The following LUZP2 variants were observed in gnomAD, a reference collection of about 807,000 sequenced individuals.
The protein encoded by LUZP2 is leucine zipper protein 2.
A neutral mutation model predicts 51.6 loss-of-function variants in LUZP2; 52 were observed. The ratio of observed to expected loss-of-function variants is 1.01; its 90% CI spans 0.81 to 1.27. LUZP2 has a LOEUF of 1.27. Among genes scored for constraint, LUZP2 ranks in the 50% most tolerant of loss-of-function variants. The pLI, the probability that LUZP2 is intolerant of heterozygous loss-of-function variation, is 0.00. For missense variants in LUZP2, 436 were observed against 395.4 expected, an observed-to-expected ratio of 1.10 and a Z score of -0.87; for synonymous variants, 154 against 137.3, an observed-to-expected ratio of 1.12 and a Z score of -0.85.
Position 24,996,887 on chromosome 11 carries a change from C to A in LUZP2, c.765+13594C>A, listed in dbSNP as rs147316884. Among the ~76,000 whole-genome samples the A allele has an allele frequency of 6.8e-3, 1,026 of 151,448 alleles. 32 individuals carry two copies. The East Asian group carries it at 0.098, about 15-fold the overall frequency. ...TGCGGTGTTTGGTTTTTTGTTCTTG[C>A]GATAGTTTACTGAGAATGATGATTT... On this transcript the variant is annotated intron_variant, in intron 9 of 11. Coordinates refer to ENST00000336930, the MANE Select transcript of LUZP2 (RefSeq NM_001009909.4).
In LUZP2 at chr11:24,802,871, T is replaced by G. The variant is rs1481932299; in HGVS notation, c.396+39563T>G. 2.0e-5 allele frequency among the ~76,000 whole-genome samples: 3 copies of G among 152,092 alleles called. No individual in the cohort carries two copies. The East Asian group carries it at 5.8e-4, about 29-fold the overall frequency. ...CCTTCATTAATGGGATTAATTATCT[T>G]ATATAAAAGGTTGAAGAGAGCATCC... On this transcript the variant is annotated intron_variant, in intron 5 of 11. Transcript: ENST00000336930.
At chr11:25,060,832 T>G (rs2134038981) in intron 10 of LUZP2, among the ~76,000 whole-genome samples, 1 of 152,306 alleles carries the variant, frequency 6.6e-6, no homozygotes, top group Non-Finnish European at 1.5e-5. Flanking sequence ...CTCTTCTTGT[T>G]TCTTCCTCTT....
At chr11:24,736,280 TTTA>T (rs1035057425) in intron 3 of LUZP2, among the ~76,000 whole-genome samples, 140 of 152,118 alleles carry the variant, frequency 9.2e-4, no homozygotes, top group African/African-American at 3.2e-3. Flanking sequence ...TAAAACATAC[TTTA>T]TTATTTAATT....
At chr11:25,065,846 G>T (rs1858983256) in intron 10 of LUZP2, among the ~76,000 whole-genome samples, 1 of 151,968 alleles carries the variant, frequency 6.6e-6, no homozygotes, top group South Asian at 2.1e-4. Flanking sequence ...TTATTTTCAT[G>T]CTCACTCATA....
intron 1 of LUZP2, among the ~76,000 whole-genome samples, chr11:24,677,966 G>A (rs1448042495): frequency 6.6e-6 from 1 of 151,620 alleles, no homozygotes; most frequent in East Asian, 2.0e-4. Context: ...GAACCTGGGA[G>A]GTGGAGCTTG....
At chr11:24,522,486 A>T (rs1850672820) in intron 1 of LUZP2, among the ~76,000 whole-genome samples, 1 of 152,138 alleles carries the variant, frequency 6.6e-6, no homozygotes, top group Admixed American at 6.6e-5. Flanking sequence ...GAACCAATAG[A>T]GGCTTCTCAG....
intron 1 of LUZP2, among the ~76,000 whole-genome samples, chr11:24,535,871 T>A (rs1011058585): frequency 6.6e-6 from 1 of 151,778 alleles, no homozygotes; most frequent in Non-Finnish European, 1.5e-5. Context: ...ATCAGAGGAA[T>A]CACTGTCTAT....
intron 5 of LUZP2, among the ~76,000 whole-genome samples, chr11:24,881,619 C>A (rs775659931): frequency 3.9e-5 from 6 of 151,956 alleles, no homozygotes; most frequent in Non-Finnish European, 8.8e-5. Flanking sequence ...GCTGGGAACA[C>A]AATGTTAGGA....
intron 10 of LUZP2, among the ~76,000 whole-genome samples, chr11:25,054,489 T>C (rs1858617714): frequency 6.6e-6 from 1 of 152,182 alleles, no homozygotes; most frequent in Non-Finnish European, 1.5e-5. Context: ...ATTTTTTGTG[T>C]GTGTCTGTGG....
At chr11:24,838,181 C>T (rs1378116811) in intron 5 of LUZP2, among the ~76,000 whole-genome samples, 2 of 151,536 alleles carry the variant, frequency 1.3e-5, no homozygotes, top group East Asian at 1.9e-4. Flanking sequence ...CTGATAGCCA[C>T]AAGTCAAGGA....
At chr11:24,767,552 T>C (rs1860238271) in intron 5 of LUZP2, among the ~76,000 whole-genome samples, 1 of 152,242 alleles carries the variant, frequency 6.6e-6, no homozygotes, top group South Asian at 2.1e-4. Flanking sequence ...TTGTTTCTTC[T>C]GTGTGTTTAA....
chr11:24,559,158 A>C (rs1298975907), intron 1 of LUZP2, among the ~76,000 whole-genome samples: 2 of 152,154 alleles, frequency 1.3e-5, no homozygotes, highest in African/African-American at 2.4e-5. Context: ...ACAACACTTT[A>C]ATCAGAATTT....
intron 1 of LUZP2, among the ~76,000 whole-genome samples, chr11:24,645,865 A>T (rs1055127490): frequency 1.2e-4 from 18 of 149,060 alleles, no homozygotes; most frequent in Non-Finnish European, 2.5e-4. Context: ...GTGTGTGTGT[A>T]TCCTTAAAAT....
intron 1 of LUZP2, among the ~76,000 whole-genome samples, chr11:24,570,845 G>C (rs1553742): frequency 0.42 from 63,116 of 151,502 alleles, 13,612 homozygotes; most frequent in African/African-American, 0.51. Context: ...TGCTTTTAAA[G>C]TTTTCTTTTC....
intron 5 of LUZP2, among the ~76,000 whole-genome samples, chr11:24,828,397 A>G (rs1453291324): frequency 6.6e-6 from 1 of 152,166 alleles, no homozygotes; most frequent in Non-Finnish European, 1.5e-5. Context: ...AAAATTCACT[A>G]TGTTTACTAC....
intron 1 of LUZP2, among the ~76,000 whole-genome samples, chr11:24,610,946 T>G (rs2133886743): frequency 6.6e-6 from 1 of 152,326 alleles, no homozygotes; most frequent in African/African-American, 2.4e-5. Context: ...CTTTTAATGA[T>G]ATTTTAGGGA....
intron 1 of LUZP2, among the ~76,000 whole-genome samples, chr11:24,573,785 A>C (rs182198920): frequency 1.3e-5 from 2 of 152,048 alleles, no homozygotes; most frequent in Admixed American, 1.3e-4. Flanking sequence ...GAAACTTTAA[A>C]AAGCACACAG....
In LUZP2 at chr11:24,956,817, G is replaced by A. The variant is rs1212010912; in HGVS notation, c.523-19774G>A. ...TAATGGGAAAATTACCAGAAGAGTT[G>A]ATGATCAGCTATTTCACATGCTACA... On this transcript the variant is annotated intron_variant, in intron 7 of 11. Coordinates refer to ENST00000336930, the MANE Select transcript of LUZP2 (RefSeq NM_001009909.4). Among the ~76,000 whole-genome samples, 75 of 152,052 alleles carry A rather than the reference G, an allele frequency of 4.9e-4. 1 individual carries two copies. The highest frequency in any genetic ancestry group is 1.5e-5 in the Non-Finnish European group (1 of 68,014).
intron 5 of LUZP2, among the ~76,000 whole-genome samples, chr11:24,897,755 T>A (rs1853129746): frequency 6.6e-6 from 1 of 152,210 alleles, no homozygotes; most frequent in Non-Finnish European, 1.5e-5. Flanking sequence ...TGTTGGTTGC[T>A]TGTATGACTT....
Sources: allele counts gnomAD v4.1 joint callset (sites outside exome capture counted in the v4.1 genomes callset), GRCh38; gene constraint gnomAD v4.1.1; transcripts MANE v1.5; gene names NCBI Gene and HGNC (gene_info 2026-07-23, HGNC 2026-07-21).